Variants in RAB27B observed in about 807,000 individuals in gnomAD.
The protein encoded by RAB27B is RAB27B, member RAS oncogene family.
A neutral mutation model predicts 24.6 loss-of-function variants in RAB27B; 15 were observed. The ratio of observed to expected loss-of-function variants is 0.61; its 90% CI spans 0.41 to 0.94. The LOEUF (loss-of-function observed/expected upper bound fraction) is 0.94. Among genes scored for constraint, RAB27B ranks in the 40% least tolerant of loss-of-function variants. RAB27B has a pLI of 0.00. For missense variants in RAB27B, 261 were observed against 266.8 expected, an observed-to-expected ratio of 0.98 and a Z score of 0.15; for synonymous variants, 105 against 92.5, an observed-to-expected ratio of 1.14 and a Z score of -0.78.
chr18:54,874,268 A>C (rs4800979), intron 1 of RAB27B, among the ~76,000 whole-genome samples: 137,461 of 152,194 alleles, frequency 0.9, 63,723 homozygotes, highest in East Asian at 1. Flanking sequence ...CTTCCTCTGC[A>C]GTCTTCTTGG....
chr18:54,722,887 GA>G (rs1252561681), intron 2 of RAB27B, among the ~76,000 whole-genome samples: 7 of 152,152 alleles, frequency 4.6e-5, no homozygotes, highest in African/African-American at 1.7e-4. Flanking sequence ...TATTTCAAAG[GA>G]AAACCTTCCT....
At position 54,889,549 on chromosome 18, in the gene RAB27B, A is replaced by G. The variant is rs1913284667; in HGVS notation, c.*136A>G. ...TTTTTCTGCCAGAAAATCTATTTTA[A>G]GAAACCAGAATAGTCAACAGTGTTC... On this transcript the variant is annotated 3_prime_UTR_variant, in exon 6 of 6. Coordinates refer to ENST00000262094, the MANE Select transcript of RAB27B (RefSeq NM_004163.4). 1.2e-6 allele frequency: 1 copy of G among 832,660 alleles called. No homozygotes were observed. The highest frequency in any genetic ancestry group is 3.1e-5 in the Admixed American group (1 of 32,478). The allele number at this position is 832,660 out of a possible 1,614,324, so 51.6% of individuals were successfully genotyped here.
intron 1 of RAB27B, among the ~76,000 whole-genome samples, chr18:54,876,747 G>T (rs1952652374): frequency 6.6e-6 from 1 of 152,074 alleles, no homozygotes; most frequent in African/African-American, 2.4e-5. Context: ...GGCTCATCCT[G>T]CATGGATAGA....
At chr18:54,801,008 GTTTTTT>G (rs11363761) in intron 2 of RAB27B, among the ~76,000 whole-genome samples, 9 of 93,096 alleles carry the variant, frequency 9.7e-5, no homozygotes, top group Non-Finnish European at 1.6e-4. Context: ...TTGTTCCTGT[GTTTTTT>G]TTTTTTTTTT....
intron 2 of RAB27B, among the ~76,000 whole-genome samples, chr18:54,820,877 A>C (rs1789570105): frequency 6.8e-6 from 1 of 148,128 alleles, no homozygotes; most frequent in Admixed American, 6.9e-5. Flanking sequence ...ATAGGGAATC[A>C]TTTCCCCATT....
chr18:54,858,873 C>T (rs922484691), intron 1 of RAB27B, among the ~76,000 whole-genome samples: 2 of 152,048 alleles, frequency 1.3e-5, no homozygotes, highest in Non-Finnish European at 2.9e-5. Flanking sequence ...GAGACTGGAC[C>T]GTCAATAAAC....
intron 2 of RAB27B, among the ~76,000 whole-genome samples, chr18:54,735,773 T>G (rs1598866876): frequency 6.6e-6 from 1 of 152,168 alleles, no homozygotes; most frequent in Non-Finnish European, 1.5e-5. Context: ...CCACCCACCT[T>G]GGCCTCCCAA....
At chr18:54,722,378 A>G (rs1406495792) in intron 2 of RAB27B, among the ~76,000 whole-genome samples, 1 of 152,126 alleles carries the variant, frequency 6.6e-6, no homozygotes, top group Non-Finnish European at 1.5e-5. Context: ...AACCACCAAC[A>G]CACTGGTTGA....
chr18:54,867,250 C>T (rs1912267351), intron 1 of RAB27B, among the ~76,000 whole-genome samples: 1 of 151,952 alleles, frequency 6.6e-6, no homozygotes, highest in South Asian at 2.1e-4. Flanking sequence ...AAATTCTTAT[C>T]TCTGACCACC....
At chr18:54,823,237 T>A (rs1910366748) in intron 2 of RAB27B, among the ~76,000 whole-genome samples, 1 of 152,252 alleles carries the variant, frequency 6.6e-6, no homozygotes, top group Non-Finnish European at 1.5e-5. Context: ...GACTTGTTAG[T>A]CACACTGTGA....
At chr18:54,851,070 A>G (rs1027345343) in intron 1 of RAB27B, among the ~76,000 whole-genome samples, 8 of 152,172 alleles carry the variant, frequency 5.3e-5, no homozygotes, top group Non-Finnish European at 8.8e-5. Context: ...GAGGTTGCTA[A>G]TATTAATTTG....
At chr18:54,728,602 T>C (rs1909618541) in intron 2 of RAB27B, among the ~76,000 whole-genome samples, 1 of 152,034 alleles carries the variant, frequency 6.6e-6, no homozygotes, top group South Asian at 2.1e-4. Context: ...CAGCTGGCTG[T>C]GGTGGCTCAT....
intron 2 of RAB27B, among the ~76,000 whole-genome samples, chr18:54,807,245 T>G (rs1304379796): frequency 6.6e-6 from 1 of 152,220 alleles, no homozygotes. Context: ...TTTAGTAAAA[T>G]TAACTAGCCT....
chr18:54,783,616 G>A (rs535723527), intron 2 of RAB27B, among the ~76,000 whole-genome samples: 1 of 152,136 alleles, frequency 6.6e-6, no homozygotes, highest in East Asian at 1.9e-4. Context: ...CTAGCTTAAG[G>A]TAAGCGAAAA....
chr18:54,747,868 G>T (rs1910302790), intron 2 of RAB27B, among the ~76,000 whole-genome samples: 1 of 152,098 alleles, frequency 6.6e-6, no homozygotes, highest in Non-Finnish European at 1.5e-5. Flanking sequence ...AGTACTTTGG[G>T]AGACCAAGGA....
intron 2 of RAB27B, among the ~76,000 whole-genome samples, chr18:54,803,367 A>G (rs1909670652): frequency 6.6e-6 from 1 of 152,192 alleles, no homozygotes; most frequent in Non-Finnish European, 1.5e-5. Context: ...GAGAAAACAC[A>G]AGAAGGCCAG....
At chr18:54,869,156 G>C (rs1027635142) in intron 1 of RAB27B, among the ~76,000 whole-genome samples, 10 of 152,138 alleles carry the variant, frequency 6.6e-5, no homozygotes, top group Non-Finnish European at 1.5e-4. Flanking sequence ...CTAGCTCTTT[G>C]CTTTCATGTT....
At chr18:54,757,247 C>T (rs1198781275) in intron 2 of RAB27B, among the ~76,000 whole-genome samples, 5 of 152,084 alleles carry the variant, frequency 3.3e-5, no homozygotes, top group Non-Finnish European at 7.4e-5. Flanking sequence ...ACCCTGGGAG[C>T]CCATGGATTC....
intron 2 of RAB27B, among the ~76,000 whole-genome samples, chr18:54,718,903 A>T (rs1436019286): frequency 6.6e-6 from 1 of 152,206 alleles, no homozygotes; most frequent in Non-Finnish European, 1.5e-5. Flanking sequence ...AATACTTTAA[A>T]GCCTTCCCAA....
Sources: allele counts gnomAD v4.1 joint callset (sites outside exome capture counted in the v4.1 genomes callset), GRCh38; gene constraint gnomAD v4.1.1; transcripts MANE v1.5; gene names NCBI Gene and HGNC (gene_info 2026-07-23, HGNC 2026-07-21).